Variants in COL12A1 observed in about 807,000 individuals in gnomAD.
COL12A1 encodes the protein collagen type XII alpha 1 chain, also known as collagen alpha-1(XII) chain.
In COL12A1, 114 loss-of-function variants were observed where a neutral mutation model predicts 349.7. The observed-to-expected ratio is 0.33, with a 90% CI of 0.28 to 0.38. The LOEUF (loss-of-function observed/expected upper bound fraction) is 0.38. COL12A1 is among the 10% of genes least tolerant of loss of function. The pLI, the probability that COL12A1 is intolerant of heterozygous loss-of-function variation, is 1.00. For missense variants in COL12A1, 3,284 were observed against 3,756.9 expected (o/e 0.87, Z 3.29); for synonymous variants, 1,369 against 1,329.0 (o/e 1.03, Z -0.66).
chr6:75,142,216 T>A (rs1766931574), intron 26 of COL12A1, 55 bp from the exon 27 acceptor site: 5 of 1,604,114 alleles, frequency 3.1e-6, no homozygotes, highest in South Asian at 1.1e-5. Flanking sequence ...ACTTTTGACA[T>A]CTCTCTGTTG....
intron 33 of COL12A1, 24 bp downstream of exon 33, chr6:75,133,834 T>A (rs1766436070): frequency 6.2e-7 from 1 of 1,613,014 alleles, no homozygotes; most frequent in Non-Finnish European, 8.5e-7. Context: ...CAAACTAGCA[T>A]TTTTTACTAC....
intron 44 of COL12A1, 132 bp downstream of exon 44, chr6:75,121,170 G>T: frequency 2.6e-6 from 2 of 776,490 alleles, no homozygotes; most frequent in Non-Finnish European, 3.7e-6. Flanking sequence ...AAAAATACAT[G>T]AATAAAAGAA....
rs1011310040 is a variant in COL12A1 at position 75,103,786 on chromosome 6, T to C, written c.8290A>G (p.Arg2764Gly). The C allele has an allele frequency of 3.1e-6, 5 of 1,613,398 alleles. No homozygotes were observed. The highest frequency in any genetic ancestry group is 2.2e-5 in the East Asian group (1 of 44,876). ...GCCCCACTGATACCTCTTTCACCTC[T>C]GGGACCTTTAGCACCAGGTCCTCCC... ...PAGGPGAKGP[R>G]GERGISGAIG... is the part of the protein sequence containing the mutation. Residue 2764 changes from arginine (R) to glycine (G), a missense_variant, in exon 55 of 66, where the codon AGA becomes GGA. By Grantham distance (125) the Arg-to-Gly change is moderately radical (BLOSUM62 -2). This residue lies in a region of COL12A1 where 683 missense variants were observed against 932.1 expected (regional missense o/e 0.73). Coordinates refer to ENST00000322507, the MANE Select transcript of COL12A1 (RefSeq NM_004370.6).
chr6:75,195,196 G>A (rs1048885307), intron 2 of COL12A1, among the ~76,000 whole-genome samples: 3 of 152,056 alleles, frequency 2.0e-5, no homozygotes, highest in African/African-American at 7.2e-5. Flanking sequence ...ATTCAAGAAT[G>A]GCCAGCAAAA....
intron 2 of COL12A1, 53 bp from the exon 3 acceptor site, chr6:75,195,000 A>G (rs1358254798): frequency 1.0e-6 from 1 of 981,346 alleles, no homozygotes; most frequent in Non-Finnish European, 1.5e-6. Context: ...CAAAATGGTC[A>G]ATTTAATTAA....
In COL12A1 at chr6:75,154,312, G is replaced by T. The variant is rs991133859; in HGVS notation, c.3565+104C>A. Reference sequence around the variant, plus strand: ...GTAAATTATTGAAATAAATTTTAGTGTAAAATTTGTATCATTGTTTTCCAT... The same window carrying T: ...GTAAATTATTGAAATAAATTTTAGTTTAAAATTTGTATCATTGTTTTCCAT... On this transcript the variant is annotated intron_variant, in intron 17 of 65. Coordinates refer to ENST00000322507, the MANE Select transcript of COL12A1 (RefSeq NM_004370.6). 5.5e-6 allele frequency: 7 copies of T among 1,281,056 alleles called. No homozygotes were observed. The African/African-American group carries it at 9.2e-5, about 17-fold the overall frequency. The allele number at this position is 1,281,056 out of a possible 1,614,324, so 79.4% of individuals were successfully genotyped here. A position where few individuals can be genotyped will look rare whatever the true frequency, so the allele number is the denominator to read the frequency against.
chr6:75,117,418 T>G lies in COL12A1; in HGVS notation c.7483A>C (p.Asn2495His), dbSNP rs1248347635. Residue 2495 changes from asparagine (N) to histidine (H), a missense_variant, in exon 47 of 66, where the codon AAT becomes CAT. Around this residue, in one of 2 missense-constraint regions of COL12A1, gnomAD observed 683 missense variants for 932.1 expected, o/e 0.73. Transcript: ENST00000322507. ...GTTTCACAAACAAATGTAATAAGAT[T>G]GTCTTCGATCTTCTCAAAAGATTCA... ...DFESFEKIED[N>H]LITFVCETAT... 2 of 1,613,646 alleles carry G rather than the reference T, an allele frequency of 1.2e-6. No homozygotes were observed. The highest frequency in any genetic ancestry group is 1.7e-6 in the Non-Finnish European group (2 of 1,179,646).
In COL12A1 at chr6:75,084,390, G is replaced by C. The variant is rs890363859; in HGVS notation, c.*2157C>G. The stretch of plus-strand genomic sequence containing the variant: ...TTTCAGAAATAAATAATATAAGGCA[G>C]TGAAATTCACAATCTGCAGTTAAAA... On this transcript the variant is annotated 3_prime_UTR_variant, in exon 66 of 66. Transcript: ENST00000322507. 6.6e-6 allele frequency: 1 copy of C among 152,610 alleles called. No homozygotes were observed. The highest frequency in any genetic ancestry group is 1.5e-5 in the Non-Finnish European group (1 of 68,042). 9.5% of individuals were successfully genotyped at this position (152,610 alleles called of 1,614,324 possible).
Position 75,134,789 on chromosome 6 carries a change from T to G in COL12A1, c.5461A>C (p.Ile1821Leu). The change falls in exon 32 of 66, where the codon ATC becomes CTC. Residue 1821 changes from isoleucine to leucine, a missense_variant. By Grantham distance (5) the Ile-to-Leu change is conservative (BLOSUM62 2). Around this residue, in one of 2 missense-constraint regions of COL12A1, gnomAD observed 2,601 missense variants for 2,824.8 expected, o/e 0.92. Transcript: ENST00000322507. ...TCAGGATACAGAGAGGATACGGTGA[T>G]AGTGTAAGGAGTGTCTGGCTTCAGT... ...QKLKPDTPYT[I>L]TVSSLYPDGE... 1 of 1,613,270 alleles carries G rather than the reference T, an allele frequency of 6.2e-7. No homozygotes were observed. The highest frequency in any genetic ancestry group is 8.5e-7 in the Non-Finnish European group (1 of 1,179,432).
intron 65 of COL12A1, among the ~76,000 whole-genome samples, chr6:75,086,995 A>C (rs1227822224): frequency 6.6e-6 from 1 of 152,124 alleles, no homozygotes; most frequent in African/African-American, 2.4e-5. Flanking sequence ...TGGCATATCT[A>C]CCCAGTCCTC....
intron 59 of COL12A1, among the ~76,000 whole-genome samples, chr6:75,096,794 G>A (rs948066740): frequency 6.6e-6 from 1 of 150,998 alleles, no homozygotes; most frequent in Non-Finnish European, 1.5e-5. Flanking sequence ...TACTCGGGAG[G>A]CTGAGGCAGG....
intron 16 of COL12A1, 133 bp downstream of exon 16, chr6:75,155,529 G>T: frequency 2.2e-6 from 2 of 915,384 alleles, no homozygotes; most frequent in Non-Finnish European, 3.2e-6. Flanking sequence ...AACAGCTTTA[G>T]CTGATTTTAA....
In COL12A1 at chr6:75,175,220, TG is replaced by T; in HGVS notation, c.2527del (p.Gln843SerfsTer19). 1 of 1,614,224 alleles carries T rather than the reference TG, an allele frequency of 6.2e-7. No homozygotes were observed. Among genetic ancestry groups the T allele is most frequent in the Non-Finnish European group, 8.5e-7 (1 of 1,180,040 alleles). ...SWSGAPGKVK[Q>X]YLVTYTPVAG... ...CACTGGGGTATATGTGACGAGATAC[TG>T]TTTCACTTTTCCTGGTGCCCCACTC... On this transcript the variant is annotated frameshift_variant, in exon 13 of 66. Transcript: ENST00000322507. LOFTEE classifies it high-confidence loss of function.
rs770211183 is a variant in COL12A1 at position 75,138,802 on chromosome 6, A to C, written c.5097+20T>G. 8.7e-6 allele frequency: 14 copies of C among 1,612,476 alleles called. No individual in the cohort carries two copies. The highest frequency in any genetic ancestry group is 1.2e-5 in the Non-Finnish European group (14 of 1,179,546). ...AATGGGACATGAAAGACAGAGAGAA[A>C]GATAAAGAGAGTTAACTACCTCCAT... On this transcript the variant is annotated intron_variant, in intron 28 of 65. Coordinates refer to ENST00000322507, the MANE Select transcript of COL12A1 (RefSeq NM_004370.6).
At position 75,122,251 on chromosome 6, in the gene COL12A1, A is replaced by G. The variant is rs1434313815; in HGVS notation, c.6947-810T>C. On this transcript the variant is annotated intron_variant, in intron 43 of 65. Transcript: ENST00000322507. ...CTAAGAAAAAATTCCAAAAACAATT[A>G]ACAAAATTTTAGTTTATAAAAACTT... 2.0e-5 allele frequency among the ~76,000 whole-genome samples: 3 copies of G among 152,242 alleles called. No individual in the cohort carries two copies. In the East Asian group the frequency reaches 5.8e-4, roughly 29 times the overall value.
At chr6:75,148,002 T>C (rs1767288221) in intron 22 of COL12A1, among the ~76,000 whole-genome samples, 198 bp from the exon 23 acceptor site, 1 of 152,216 alleles carries the variant, frequency 6.6e-6, no homozygotes, top group Non-Finnish European at 1.5e-5. Context: ...TGTTATTTAT[T>C]TGTAAAATGA....
chr6:75,101,529 G>T, intron 58 of COL12A1, 71 bp downstream of exon 58: 2 of 1,467,404 alleles, frequency 1.4e-6, no homozygotes, highest in East Asian at 2.3e-5. Context: ...GGATTTTGAA[G>T]GGTTCTTAAT....
Position 75,175,270 on chromosome 6 carries a change from C to T in COL12A1, c.2478G>A (p.Thr826=), listed in dbSNP as rs781557444. Residue 826 remains threonine, a synonymous_variant, in exon 13 of 66, where the codon ACG becomes ACA. Coordinates refer to ENST00000322507, the MANE Select transcript of COL12A1 (RefSeq NM_004370.6). ...TCCAAGATAATTTCATAGTAGACGTCGTAGGGTCAGAAACTCTTAAGTCTC... is the reference window on the plus strand; with the variant it reads ...TCCAAGATAATTTCATAGTAGACGTTGTAGGGTCAGAAACTCTTAAGTCTC... ...NPRDLRVSDP[T]TSTMKLSWSG... is the part of the protein sequence containing the mutation. 5.6e-6 allele frequency: 9 copies of T among 1,614,036 alleles called. No individual in the cohort carries two copies. Among genetic ancestry groups the T allele is most frequent in the Middle Eastern group, 3.3e-4 (2 of 6,084 alleles).
At chr6:75,198,900 T>G (rs1039436652) in intron 2 of COL12A1, among the ~76,000 whole-genome samples, 5 of 152,208 alleles carry the variant, frequency 3.3e-5, no homozygotes, top group Non-Finnish European at 7.3e-5. Context: ...ACTACCTTAA[T>G]AGGAGAAATC....
Sources: gnomAD v4.1 joint callset for allele counts (sites outside exome capture counted in the v4.1 genomes callset) on GRCh38, gnomAD v4.1.1 for gene constraint, gnomAD v4.1.1 regional missense constraint, MANE v1.5 for transcripts, NCBI Gene and HGNC (gene_info 2026-07-23, HGNC 2026-07-21) for gene names.